PSMD5: variants seen among roughly 807,000 people sequenced by gnomAD.
PSMD5 encodes the protein proteasome 26S subunit, non-ATPase 5, also known as 26S proteasome non-ATPase regulatory subunit 5.
Under a neutral mutation model 52.1 loss-of-function variants are expected in PSMD5, and 40 were observed. The observed-to-expected ratio is 0.77, with a 90% CI of 0.60 to 1.00. The LOEUF (loss-of-function observed/expected upper bound fraction) is 1.00, where lower values mean the gene tolerates loss of function less well. Ranked by LOEUF, PSMD5 falls within the 50% of genes least tolerant of loss-of-function variation. The pLI, the probability that PSMD5 is intolerant of heterozygous loss-of-function variation, is 0.00. For missense variants in PSMD5, 575 were observed against 605.2 expected (o/e 0.95, Z 0.52); for synonymous variants, 211 against 226.6 (o/e 0.93, Z 0.62).
In PSMD5 at chr9:120,842,808, G is replaced by C. The variant is rs758815562; in HGVS notation, c.102C>G (p.Leu34=). 6.2e-7 allele frequency: 1 copy of C among 1,612,338 alleles called. No individual in the cohort carries two copies. The highest frequency in any genetic ancestry group is 1.7e-5 in the Admixed American group (1 of 59,980). The change falls in exon 1 of 10, where the codon CTC becomes CTG. Residue 34 remains leucine (L), a synonymous_variant. Transcript: ENST00000210313. ...ALHSVLQAVP[L]NELRQQAAEL... is the part of the protein sequence containing the mutation. ...CCGCCGCTTGCTGGCGAAGCTCGTT[G>C]AGCGGCACTGCCTGCAGCACGGAGT...
In PSMD5 at chr9:120,831,843, C is replaced by T. The variant is rs781365269; in HGVS notation, c.421G>A (p.Val141Ile). The change falls in exon 3 of 10, where the codon GTA becomes ATA. Residue 141 changes from valine to isoleucine, a missense_variant. Physicochemically the swap from Val to Ile is conservative, Grantham distance 29 (BLOSUM62 3). Transcript: ENST00000210313. Reference sequence around the variant, plus strand: ...TCTAGTAGACTCACCGCTTTTGCTACAGATAGATTCTCTCCACCAATGCAA... The same window carrying T: ...TCTAGTAGACTCACCGCTTTTGCTATAGATAGATTCTCTCCACCAATGCAA... ...VYCIGGENLS[V>I]AKAAIKSLSR... The T allele has an allele frequency of 3.0e-5, 48 of 1,612,292 alleles. No individual in the cohort carries two copies. Among genetic ancestry groups the T allele is most frequent in the Non-Finnish European group, 3.8e-5 (45 of 1,179,522 alleles).
Position 120,821,100 on chromosome 9 carries a change from G to A in PSMD5, c.1117-121C>T. ...GTCATTAATTTGTTGTGTGAAACTG[G>A]CTAAGTCTGGAGGACTCTTTCTCAA... On this transcript the variant is annotated intron_variant, in intron 8 of 9. Transcript: ENST00000210313. 6.7e-6 allele frequency: 8 copies of A among 1,192,298 alleles called. No individual in the cohort carries two copies. In the South Asian group the frequency reaches 1.3e-4, roughly 20 times the overall value. 73.9% of individuals were successfully genotyped at this position (1,192,298 alleles called of 1,614,324 possible). A position where few individuals can be genotyped will look rare whatever the true frequency, so the allele number is the denominator to read the frequency against.
At chr9:120,827,596 A>G (rs1471190362) in intron 5 of PSMD5, among the ~76,000 whole-genome samples, 3 of 152,236 alleles carry the variant, frequency 2.0e-5, no homozygotes, top group African/African-American at 7.2e-5. Flanking sequence ...ATACAATGCT[A>G]AAAAATAATT....
chr9:120,825,676 G>T (rs2045117112), intron 6 of PSMD5, among the ~76,000 whole-genome samples: 1 of 151,836 alleles, frequency 6.6e-6, no homozygotes, highest in South Asian at 2.1e-4. Context: ...TTTTTTGAAT[G>T]CTATTGTAAA....
At position 120,824,525 on chromosome 9, in the gene PSMD5, A is replaced by G. The variant is rs752822667; in HGVS notation, c.975T>C (p.Asn325=). The G allele has an allele frequency of 4.3e-6, 7 of 1,614,160 alleles. No homozygotes were observed. Among genetic ancestry groups the G allele is most frequent in the Admixed American group, 1.7e-5 (1 of 60,022 alleles). ...TCTGTAAAACCTGTTTTCCTTCAAC[A>G]TTGGATCCCAAGATTCCAACTGTGT... ...AVDTVGILGS[N]VEGKQVLQKT... is the part of the protein sequence containing the mutation. Residue 325 remains asparagine (N), a synonymous_variant, in exon 7 of 10, where the codon AAT becomes AAC. Coordinates refer to ENST00000210313, the MANE Select transcript of PSMD5 (RefSeq NM_005047.4).
chr9:120,829,318 T>C (rs1428231720), intron 4 of PSMD5, 110 bp from the exon 5 acceptor site: 9 of 1,253,536 alleles, frequency 7.2e-6, no homozygotes, highest in Non-Finnish European at 9.2e-6. Context: ...ATAAATGAGT[T>C]TTAAAAAATC....
Position 120,817,599 on chromosome 9 carries a change from T to C in PSMD5, c.*307A>G, listed in dbSNP as rs536789220. On this transcript the variant is annotated 3_prime_UTR_variant, in exon 10 of 10. Transcript: ENST00000210313. ...AAGCAGGCTTTTAGATAAGATTGCA[T>C]GTCCATGAAAATTTTGAGGGAAGAA... 5.9e-4 allele frequency: 167 copies of C among 285,272 alleles called. 1 individual carries two copies. Among genetic ancestry groups the C allele is most frequent in the African/African-American group, 3.4e-3 (157 of 46,608 alleles). The allele number at this position is 285,272 out of a possible 1,614,324, so 17.7% of individuals were successfully genotyped here.
chr9:120,822,002 C>A (rs1454215947), intron 7 of PSMD5, among the ~76,000 whole-genome samples: 1 of 152,026 alleles, frequency 6.6e-6, no homozygotes, highest in African/African-American at 2.4e-5. Context: ...TTGTTTGAGT[C>A]TCTGCTTTCA....
chr9:120,833,502 T>A, intron 1 of PSMD5, 46 bp from the exon 2 acceptor site: 1 of 1,569,292 alleles, frequency 6.4e-7, no homozygotes, highest in East Asian at 2.3e-5. Context: ...CCTGCCCAGG[T>A]AGGAAGTAAC....
At chr9:120,832,542 A>G (rs1484107193) in intron 2 of PSMD5, among the ~76,000 whole-genome samples, 2 of 151,872 alleles carry the variant, frequency 1.3e-5, no homozygotes, top group Non-Finnish European at 2.9e-5. Context: ...GATTACAGGC[A>G]CCTGCCATCA....
At chr9:120,826,730 G>A (rs1298126281) in intron 6 of PSMD5, 35 bp downstream of exon 6, 12 of 1,600,588 alleles carry the variant, frequency 7.5e-6, no homozygotes, top group African/African-American at 2.7e-5. Flanking sequence ...AATAAAACAC[G>A]CACCATCATT....
At chr9:120,835,273 T>C (rs1233891615) in intron 1 of PSMD5, among the ~76,000 whole-genome samples, 1 of 152,222 alleles carries the variant, frequency 6.6e-6, no homozygotes, top group African/African-American at 2.4e-5. Context: ...ATATAATGAA[T>C]ATTATTCAGC....
chr9:120,838,842 T>C (rs1176408812), intron 1 of PSMD5, among the ~76,000 whole-genome samples: 5 of 152,318 alleles, frequency 3.3e-5, no homozygotes, highest in Non-Finnish European at 5.9e-5. Context: ...TCAAATTTAA[T>C]TGGGCGTATA....
rs2131428036 is a variant in PSMD5, at chr9:120,829,335, T to C, written c.562-127A>G. The C allele has an allele frequency of 6.8e-6, 8 of 1,181,074 alleles. No individual in the cohort carries two copies. The South Asian group carries it at 1.9e-4, about 28-fold the overall frequency. The allele number at this position is 1,181,074 out of a possible 1,614,324, so 73.2% of individuals were successfully genotyped here. ...AAATGAGTTTTAAAAAATCCATTATTTGTCTCTTTAAGTAGAAAAACTTCA... is the reference window on the plus strand; with the variant it reads ...AAATGAGTTTTAAAAAATCCATTATCTGTCTCTTTAAGTAGAAAAACTTCA... On this transcript the variant is annotated intron_variant, in intron 4 of 9. Coordinates refer to ENST00000210313, the MANE Select transcript of PSMD5 (RefSeq NM_005047.4).
chr9:120,841,249 A>T (rs1471220951), intron 1 of PSMD5, among the ~76,000 whole-genome samples: 1 of 152,196 alleles, frequency 6.6e-6, no homozygotes, highest in Non-Finnish European at 1.5e-5. Flanking sequence ...TTAAAATTAT[A>T]GATTGATATA....
chr9:120,817,687 A>G lies in PSMD5; in HGVS notation c.*219T>C. Reference sequence around the variant, plus strand: ...AAGGAATCTGAAAAACACTGGATCTATTATGACCAAGCTTGTCTGCTCTTA... The same window carrying G: ...AAGGAATCTGAAAAACACTGGATCTGTTATGACCAAGCTTGTCTGCTCTTA... On this transcript the variant is annotated 3_prime_UTR_variant, in exon 10 of 10. Transcript: ENST00000210313. 1 of 546,738 alleles carries G rather than the reference A, an allele frequency of 1.8e-6. No individual in the cohort carries two copies. Among genetic ancestry groups the G allele is most frequent in the Non-Finnish European group, 3.2e-6 (1 of 314,066 alleles). The allele number at this position is 546,738 out of a possible 1,614,324, so 33.9% of individuals were successfully genotyped here.
intron 3 of PSMD5, 43 bp from the exon 4 acceptor site, chr9:120,831,502 G>T (rs1219613462): frequency 1.9e-6 from 3 of 1,556,220 alleles, no homozygotes; most frequent in East Asian, 2.3e-5. Flanking sequence ...CAAAATGCAG[G>T]TTATTATCTA....
At chr9:120,821,667 T>C (rs2045085781) in intron 7 of PSMD5, among the ~76,000 whole-genome samples, 1 of 152,206 alleles carries the variant, frequency 6.6e-6, no homozygotes, top group African/African-American at 2.4e-5. Flanking sequence ...TAATTCCCTT[T>C]CTTCTCTACC....
chr9:120,820,967 T>C lies in PSMD5; in HGVS notation c.1129A>G (p.Thr377Ala), dbSNP rs1225960463. 1 of 1,591,536 alleles carries C rather than the reference T, an allele frequency of 6.3e-7. No homozygotes were observed. Among genetic ancestry groups the C allele is most frequent in the South Asian group, 1.1e-5 (1 of 87,122 alleles). The change falls in exon 9 of 10, where the codon ACT becomes GCT. Residue 377 changes from threonine (T) to alanine (A), a missense_variant. Coordinates refer to ENST00000210313, the MANE Select transcript of PSMD5 (RefSeq NM_005047.4). ...SLLYLPPEQQ[T>A]DDLLRMTESW... Reference sequence around the variant, plus strand: ...TCTGTCATCCTCAGAAGGTCATCAGTCTGCTGCTCAGGCTACAGGAAAGAA... The same window carrying C: ...TCTGTCATCCTCAGAAGGTCATCAGCCTGCTGCTCAGGCTACAGGAAAGAA...
Sources: gnomAD v4.1 joint callset for allele counts (sites outside exome capture counted in the v4.1 genomes callset) on GRCh38, gnomAD v4.1.1 for gene constraint, MANE v1.5 for transcripts, NCBI Gene and HGNC (gene_info 2026-07-23, HGNC 2026-07-21) for gene names.